MYOM2: variants seen among roughly 807,000 people sequenced by gnomAD.
The protein encoded by MYOM2 is myomesin 2, also known as myomesin-2.
A neutral mutation model predicts 187.6 loss-of-function variants in MYOM2; 254 were observed. The ratio of observed to expected loss-of-function variants is 1.35; its 90% CI spans 1.22 to 1.50. The LOEUF is 1.50. MYOM2 is among the 40% of genes most tolerant of loss of function. MYOM2 has a pLI of 0.00. For missense variants in MYOM2, 2,796 were observed against 1,924.0 expected (o/e 1.45, Z -8.48); for synonymous variants, 981 against 753.8 (o/e 1.30, Z -4.94).
intron 22 of MYOM2, 33 bp downstream of exon 22, chr8:2,106,431 C>G: frequency 1.9e-6 from 3 of 1,611,032 alleles, no homozygotes; most frequent in Admixed American, 1.7e-5. Flanking sequence ...ATACTGGAAA[C>G]TTTTAGAAGT....
intron 18 of MYOM2, among the ~76,000 whole-genome samples, 186 bp from the exon 19 acceptor site, chr8:2,098,671 A>G (rs1245029665): frequency 6.6e-6 from 1 of 152,154 alleles, no homozygotes; most frequent in Admixed American, 6.5e-5. Flanking sequence ...AAGGACACGT[A>G]AGGTTTCATG....
intron 32 of MYOM2, among the ~76,000 whole-genome samples, chr8:2,130,715 T>C (rs117875795): frequency 6.6e-6 from 1 of 152,360 alleles, no homozygotes; most frequent in East Asian, 1.9e-4. Context: ...GGAGTCACTG[T>C]AGATCCCATG....
chr8:2,052,425 A>C (rs1295695097), intron 3 of MYOM2, 112 bp downstream of exon 3: 3 of 1,187,984 alleles, frequency 2.5e-6, no homozygotes, highest in Non-Finnish European at 3.4e-6. Flanking sequence ...ATCAAGGAAC[A>C]CAGGCCATGC....
rs1204883508 is a variant in MYOM2, at chr8:2,052,069, G to C, written c.108-89G>C. 64 of 1,539,468 alleles carry C rather than the reference G, an allele frequency of 4.2e-5. No individual in the cohort carries two copies. The East Asian group carries it at 1.4e-3, about 34-fold the overall frequency. On this transcript the variant is annotated intron_variant, in intron 2 of 36. Coordinates refer to ENST00000262113, the MANE Select transcript of MYOM2 (RefSeq NM_003970.4). The stretch of plus-strand genomic sequence containing the variant: ...TGCTCTGCATATACCAGTGGTTTGG[G>C]GTGTGTAGAGAGAAAGTGATGTGTG...
At chr8:2,113,809 G>A (rs1797147632) in intron 25 of MYOM2, among the ~76,000 whole-genome samples, 1 of 152,218 alleles carries the variant, frequency 6.6e-6, no homozygotes, top group Non-Finnish European at 1.5e-5. Context: ...GGCAGGGTGA[G>A]CTAAGCCCCC....
In MYOM2 at chr8:2,131,639, CTTTCT is replaced by C. The variant is rs1258478055; in HGVS notation, c.3800+2411_3800+2415del. ...TCATTATACAACAAAACAGGCATTT[CTTTCT>C]TTTTTTTTTTTTTTTTTGAGACAGA... On this transcript the variant is annotated intron_variant, in intron 32 of 36. Transcript: ENST00000262113. Among the ~76,000 whole-genome samples the C allele has an allele frequency of 5.5e-4, 54 of 97,500 alleles. 2 individuals carry two copies. Among genetic ancestry groups the C allele is most frequent in the South Asian group, 2.7e-3 (7 of 2,624 alleles). The allele number at this position is 97,500 out of a possible 152,430, so 64.0% of individuals were successfully genotyped here. A position where few individuals can be genotyped will look rare whatever the true frequency, so the allele number is the denominator to read the frequency against.
intron 6 of MYOM2, among the ~76,000 whole-genome samples, chr8:2,063,709 G>C (rs1421200145): frequency 6.6e-6 from 1 of 152,110 alleles, no homozygotes; most frequent in Non-Finnish European, 1.5e-5. Flanking sequence ...GAGGACATGA[G>C]GCCCCAGCTG....
At chr8:2,099,010 C>A (rs201346011) in intron 19 of MYOM2, 27 bp downstream of exon 19, 9 of 1,579,116 alleles carry the variant, frequency 5.7e-6, no homozygotes, top group Admixed American at 1.7e-5. Flanking sequence ...AGGACACCCG[C>A]GTTCCAGCGC....
chr8:2,094,574 C>G lies in MYOM2; in HGVS notation c.2125+483C>G, dbSNP rs868732529. ...GGCTGAGGCAGGAGAGTCACCTAAT[C>G]TGGGAGGCGGAGTTTGCAGTGAGCC... On this transcript the variant is annotated intron_variant, in intron 17 of 36. Coordinates refer to ENST00000262113, the MANE Select transcript of MYOM2 (RefSeq NM_003970.4). 7.0e-4 allele frequency among the ~76,000 whole-genome samples: 106 copies of G among 152,314 alleles called. 5 individuals carry two copies. The highest frequency in any genetic ancestry group is 2.6e-4 in the Admixed American group (4 of 15,308).
intron 36 of MYOM2, among the ~76,000 whole-genome samples, chr8:2,144,335 G>T (rs1798380417): frequency 6.6e-6 from 1 of 151,986 alleles, no homozygotes; most frequent in East Asian, 1.9e-4. Context: ...GGAGCAGACT[G>T]GATATATCTA....
chr8:2,057,365 C>T lies in MYOM2; in HGVS notation c.281C>T (p.Ala94Val). The stretch of plus-strand genomic sequence containing the variant: ...TCCTGCAGGTACCAGTCCCTGGTGG[C>T]CGCCTATGGTGAGGCCAAGCGACAG... ...ENRSRYQSLV[A>V]AYGEAKRQRF... The change falls in exon 4 of 37, where the codon GCC (alanine) becomes GTC (valine). Residue 94 changes from alanine (A) to valine (V), a missense_variant. Transcript: ENST00000262113. 1 of 1,607,774 alleles carries T rather than the reference C, an allele frequency of 6.2e-7. No individual in the cohort carries two copies. Among genetic ancestry groups the T allele is most frequent in the Non-Finnish European group, 8.5e-7 (1 of 1,176,632 alleles).
intron 18 of MYOM2, among the ~76,000 whole-genome samples, chr8:2,098,481 G>A (rs563511477): frequency 6.6e-6 from 1 of 152,280 alleles, no homozygotes; most frequent in Admixed American, 6.5e-5. Context: ...GGGACAGTGC[G>A]TGGCCTGAGT....
At chr8:2,090,318 A>C in intron 15 of MYOM2, 127 bp downstream of exon 15, 1 of 851,492 alleles carries the variant, frequency 1.2e-6, no homozygotes, top group Non-Finnish European at 1.7e-6. Context: ...TGGACTTAAA[A>C]CTTCACTTTA....
At chr8:2,065,614 C>T (rs991253332) in intron 6 of MYOM2, among the ~76,000 whole-genome samples, 3 of 152,140 alleles carry the variant, frequency 2.0e-5, no homozygotes, top group African/African-American at 4.8e-5. Context: ...GGATTTTCTT[C>T]TTATTTCTTC....
intron 35 of MYOM2, among the ~76,000 whole-genome samples, chr8:2,142,948 G>A (rs1459238955): frequency 6.6e-6 from 1 of 151,960 alleles, no homozygotes; most frequent in Middle Eastern, 3.4e-3. Context: ...TAGAGACAGG[G>A]TTTCATCATG....
At chr8:2,085,443 T>G in intron 14 of MYOM2, 53 bp downstream of exon 14, 4 of 1,591,378 alleles carry the variant, frequency 2.5e-6, no homozygotes, top group South Asian at 1.1e-5. Flanking sequence ...GGCCCCCCAC[T>G]GTCATGATCT....
intron 28 of MYOM2, among the ~76,000 whole-genome samples, chr8:2,121,290 T>C (rs922327947): frequency 6.6e-6 from 1 of 152,172 alleles, no homozygotes; most frequent in African/African-American, 2.4e-5. Flanking sequence ...TTTTTGTTGT[T>C]GTTGGTATTG....
chr8:2,096,343 C>A lies in MYOM2; in HGVS notation c.2222C>A (p.Pro741His), dbSNP rs138840544. 3.8e-5 allele frequency: 61 copies of A among 1,614,046 alleles called. No individual in the cohort carries two copies. The African/African-American group carries it at 6.8e-4, about 18-fold the overall frequency. Residue 741 changes from proline to histidine, a missense_variant, in exon 18 of 37, where the codon CCC becomes CAC. By Grantham distance (77) the Pro-to-His change is moderately conservative. Coordinates refer to ENST00000262113, the MANE Select transcript of MYOM2 (RefSeq NM_003970.4). ...WKVPKFSGGS[P>H]ILGYYLDKRE... ...GTCCCGAAATTCAGTGGTGGCTCGC[C>A]CATCCTGGGCTACTACCTGGACAAG... is the stretch of plus-strand genomic sequence containing the variant.
chr8:2,131,414 C>G (rs142166496), intron 32 of MYOM2, among the ~76,000 whole-genome samples: 4 of 151,778 alleles, frequency 2.6e-5, no homozygotes, highest in African/African-American at 7.3e-5. Flanking sequence ...AGTGCTCTCC[C>G]GAGAAGCTCC....
Sources: allele counts gnomAD v4.1 joint callset (sites outside exome capture counted in the v4.1 genomes callset), GRCh38; gene constraint gnomAD v4.1.1; transcripts MANE v1.5; gene names NCBI Gene and HGNC (gene_info 2026-07-23, HGNC 2026-07-21).